Variants in DNAJB12 observed in about 807,000 individuals in gnomAD.
DNAJB12 encodes the protein dnaJ homolog subfamily B member 12.
Under a neutral mutation model 40.6 loss-of-function variants are expected in DNAJB12, and 14 were observed. That is an observed-to-expected ratio of 0.34 (90% CI 0.23 to 0.54). The LOEUF is 0.54. Among genes scored for constraint, DNAJB12 ranks in the 20% least tolerant of loss-of-function variants. DNAJB12 has a pLI of 0.92. For synonymous variants in DNAJB12, 181 were observed against 199.5 expected, an observed-to-expected ratio of 0.91 and a Z score of 0.78; for missense variants, 444 against 501.7, an observed-to-expected ratio of 0.89 and a Z score of 1.10.
intron 1 of DNAJB12, among the ~76,000 whole-genome samples, chr10:72,348,053 G>A (rs148564505): frequency 0.022 from 3,263 of 151,066 alleles, 101 homozygotes; most frequent in East Asian, 0.084. Flanking sequence ...GTGAAACCCC[G>A]TCTCTACTAA....
intron 6 of DNAJB12, among the ~76,000 whole-genome samples, chr10:72,337,440 C>T (rs920527843): frequency 2.0e-4 from 31 of 152,210 alleles, no homozygotes; most frequent in Admixed American, 1.0e-3. Context: ...GTAGCTGACC[C>T]TGGGCCAGGT....
chr10:72,336,274 A>G (rs571470029), intron 7 of DNAJB12, among the ~76,000 whole-genome samples: 8 of 152,350 alleles, frequency 5.3e-5, no homozygotes, highest in African/African-American at 1.9e-4. Flanking sequence ...CACCTCTGGC[A>G]GCCAACATGC....
chr10:72,343,807 G>C (rs1861708760), intron 2 of DNAJB12, among the ~76,000 whole-genome samples: 1 of 152,106 alleles, frequency 6.6e-6, no homozygotes, highest in Non-Finnish European at 1.5e-5. Context: ...CCCATGGGAA[G>C]AGCTCAGGAG....
At chr10:72,342,567 CCA>C (rs1242368595) in intron 3 of DNAJB12, among the ~76,000 whole-genome samples, 11 of 152,206 alleles carry the variant, frequency 7.2e-5, no homozygotes. Context: ...GTCTCCTCTG[CCA>C]CAGGCTCTCC....
chr10:72,354,502 T>C, intron 1 of DNAJB12: 1 of 442,444 alleles, frequency 2.3e-6, no homozygotes, highest in Middle Eastern at 6.0e-4. Flanking sequence ...GCGCGTTTCA[T>C]TCTCGGAGAC....
chr10:72,347,634 G>A (rs1378637383), intron 1 of DNAJB12, among the ~76,000 whole-genome samples: 1 of 152,196 alleles, frequency 6.6e-6, no homozygotes, highest in Non-Finnish European at 1.5e-5. Flanking sequence ...AACCAAGCCC[G>A]GCTGGGCGCT....
At chr10:72,336,721 G>C (rs778224894) in intron 6 of DNAJB12, 25 bp from the exon 7 acceptor site, 1 of 1,609,018 alleles carries the variant, frequency 6.2e-7, no homozygotes, top group East Asian at 2.2e-5. Flanking sequence ...CAGGTTCAAA[G>C]TGGGTGCGGG....
intron 5 of DNAJB12, among the ~76,000 whole-genome samples, chr10:72,339,396 T>C (rs1293989824): frequency 6.6e-6 from 1 of 151,986 alleles, no homozygotes; most frequent in Non-Finnish European, 1.5e-5. Context: ...TAGCTGGGTG[T>C]GGTGGCGGGC....
chr10:72,335,231 C>T lies in DNAJB12; in HGVS notation c.*30+549G>A. On this transcript the variant is annotated intron_variant, in intron 8 of 8. Transcript: ENST00000444643. This position sits in a 1 kb window ranked among gnomAD's most constrained non-coding sequence, Gnocchi z 4.4. ...TGCCGCCACCAAGACTGCCAGCTCCCACCCACCTCGTGGCTGCCTGTTCAT... is the reference window on the plus strand; with the variant it reads ...TGCCGCCACCAAGACTGCCAGCTCCTACCCACCTCGTGGCTGCCTGTTCAT... 3.0e-6 allele frequency: 3 copies of T among 986,890 alleles called. No homozygotes were observed. Among genetic ancestry groups the T allele is most frequent in the Non-Finnish European group, 3.6e-6 (3 of 830,560 alleles). The allele number at this position is 986,890 out of a possible 1,614,324, so 61.1% of individuals were successfully genotyped here. A position where few individuals can be genotyped will look rare whatever the true frequency, so the allele number is the denominator to read the frequency against.
chr10:72,345,533 G>A (rs896359898), intron 1 of DNAJB12, among the ~76,000 whole-genome samples: 10 of 146,050 alleles, frequency 6.8e-5, no homozygotes, highest in Admixed American at 1.4e-4. Flanking sequence ...TGGTGCCACT[G>A]CAGTCCAGCC....
chr10:72,333,790 C>G lies in DNAJB12; in HGVS notation c.*858G>C, dbSNP rs1195169614. ...TGCTGAGAGGGGAGAGGTGGTCTCA[C>G]CCAAGCAGGTCCTTGTGGGGCCTCT... On this transcript the variant is annotated 3_prime_UTR_variant, in exon 9 of 9. Transcript: ENST00000444643. 1 of 152,618 alleles carries G rather than the reference C, an allele frequency of 6.6e-6. No individual in the cohort carries two copies. Among genetic ancestry groups the G allele is most frequent in the African/African-American group, 2.4e-5 (1 of 41,436 alleles). The allele number at this position is 152,618 out of a possible 1,614,324, so 9.5% of individuals were successfully genotyped here. A position where few individuals can be genotyped will look rare whatever the true frequency, so the allele number is the denominator to read the frequency against.
At chr10:72,339,844 G>A (rs1267788507) in intron 5 of DNAJB12, among the ~76,000 whole-genome samples, 1 of 151,566 alleles carries the variant, frequency 6.6e-6, no homozygotes, top group Non-Finnish European at 1.5e-5. Context: ...TTCCCGAGTA[G>A]GGATTAAAGG....
intron 5 of DNAJB12, among the ~76,000 whole-genome samples, chr10:72,339,846 G>A (rs905794693): frequency 5.9e-5 from 9 of 151,618 alleles, no homozygotes; most frequent in African/African-American, 1.9e-4. Context: ...CCCGAGTAGG[G>A]ATTAAAGGCG....
At chr10:72,344,779 G>T (rs1394633485) in intron 2 of DNAJB12, among the ~76,000 whole-genome samples, 171 bp downstream of exon 2, 1 of 152,200 alleles carries the variant, frequency 6.6e-6, no homozygotes, top group Non-Finnish European at 1.5e-5. Context: ...GGGCCTTGAG[G>T]GAAATAAGGA....
At chr10:72,334,874 G>A in intron 8 of DNAJB12, 1 of 1,304,280 alleles carries the variant, frequency 7.7e-7, no homozygotes, top group Non-Finnish European at 9.7e-7. Context: ...CCCACACAGA[G>A]AAGAACCTTC....
At chr10:72,337,126 C>T (rs576749037) in intron 6 of DNAJB12, among the ~76,000 whole-genome samples, 20 of 152,290 alleles carry the variant, frequency 1.3e-4, no homozygotes, top group Middle Eastern at 3.4e-3. Context: ...AGGAAGGGCT[C>T]CAGGGAGCCT....
At chr10:72,341,269 T>C in intron 3 of DNAJB12, 99 bp from the exon 4 acceptor site, 4 of 1,216,598 alleles carry the variant, frequency 3.3e-6, no homozygotes, top group South Asian at 1.4e-5. Flanking sequence ...ACTCAAGCAG[T>C]GCTTTAGGAA....
chr10:72,338,889 TTAGAAATAAAAATTAACAAATA>T (rs1385891112), intron 5 of DNAJB12, among the ~76,000 whole-genome samples: 1 of 152,104 alleles, frequency 6.6e-6, no homozygotes, highest in Non-Finnish European at 1.5e-5. Flanking sequence ...AAAAGAAGAA[TTAGAAATAAAAATTAACAAATA>T]TATTCACTGT....
Position 72,333,971 on chromosome 10 carries a change from G to A in DNAJB12, c.*677C>T, listed in dbSNP as rs74145741. 0.022 allele frequency: 3,390 copies of A among 153,374 alleles called. 111 individuals are homozygous for A. The highest frequency in any genetic ancestry group is 0.072 in the East Asian group (373 of 5,202). 9.5% of individuals were successfully genotyped at this position (153,374 alleles called of 1,614,324 possible). ...GGGGGGCTGTGAAAAGCTCTGATGC[G>A]ACTCTCCTTATGCTGTCAGCTACAG... On this transcript the variant is annotated 3_prime_UTR_variant, in exon 9 of 9. Coordinates refer to ENST00000444643, the MANE Select transcript of DNAJB12 (RefSeq NM_017626.7).
Sources: allele counts gnomAD v4.1 joint callset (sites outside exome capture counted in the v4.1 genomes callset), GRCh38; gene constraint gnomAD v4.1.1; non-coding constraint Gnocchi (gnomAD v3.1); transcripts MANE v1.5; gene names NCBI Gene and HGNC (gene_info 2026-07-23, HGNC 2026-07-21).